The following CCDC102B variants were observed in gnomAD, a reference collection of about 807,000 sequenced individuals.
CCDC102B encodes coiled-coil domain containing 102B.
In CCDC102B, 75 loss-of-function variants were observed where a neutral mutation model predicts 57.4. That is an observed-to-expected ratio of 1.31 (90% confidence interval 1.08 to 1.58). CCDC102B has a LOEUF of 1.58. Among genes scored for constraint, CCDC102B ranks in the 40% most tolerant of loss-of-function variants. CCDC102B has a pLI of 0.00. For synonymous variants in CCDC102B, 206 were observed against 201.9 expected (o/e 1.02, Z -0.17); for missense variants, 636 against 582.6 (o/e 1.09, Z -0.94).
chr18:68,729,752 C>T (rs2032772901), intron 2 of CCDC102B, among the ~76,000 whole-genome samples: 1 of 152,040 alleles, frequency 6.6e-6, no homozygotes, highest in African/African-American at 2.4e-5. Context: ...AGAGGATTTC[C>T]TGAATACAAA....
chr18:69,033,393 A>G (rs1271452787), intron 7 of CCDC102B, among the ~76,000 whole-genome samples: 1 of 152,124 alleles, frequency 6.6e-6, no homozygotes. Flanking sequence ...TAATTTTAAA[A>G]CAGTGTCATC....
intron 7 of CCDC102B, among the ~76,000 whole-genome samples, chr18:69,037,052 CAT>C (rs1358458565): frequency 6.3e-5 from 9 of 143,112 alleles, no homozygotes; most frequent in South Asian, 4.4e-4. Flanking sequence ...CACACACACA[CAT>C]ACATACATAT....
In CCDC102B at chr18:69,054,594, C is replaced by T; in HGVS notation, c.*457C>T. 1 of 985,674 alleles carries T rather than the reference C, an allele frequency of 1.0e-6. No individual in the cohort carries two copies. Among genetic ancestry groups the T allele is most frequent in the South Asian group, 4.7e-5 (1 of 21,368 alleles). The allele number at this position is 985,674 out of a possible 1,614,324, so 61.1% of individuals were successfully genotyped here. ...TGGTGGGGATGGCAGGTTGTATTAA[C>T]AAAAATGAATCATTCTAGAGGTGTA... is the stretch of plus-strand genomic sequence containing the variant. On this transcript the variant is annotated 3_prime_UTR_variant, in exon 8 of 8. Coordinates refer to ENST00000360242, the MANE Select transcript of CCDC102B (RefSeq NM_024781.3).
chr18:68,754,862 G>T (rs1425336452), intron 2 of CCDC102B: 1 of 152,180 alleles, frequency 6.6e-6, no homozygotes, highest in Non-Finnish European at 1.5e-5. Flanking sequence ...GAGATCTCTA[G>T]CTCCTTCCAC....
At chr18:68,906,922 G>GATACTTTT (rs56740752) in intron 6 of CCDC102B, among the ~76,000 whole-genome samples, 86,573 of 149,386 alleles carry the variant, frequency 0.58, 25,622 homozygotes, top group East Asian at 0.88. Flanking sequence ...GTTTATTTCT[G>GATACTTTT]ATACTTTTAT....
At chr18:68,775,563 C>A (rs908145485) in intron 2 of CCDC102B, among the ~76,000 whole-genome samples, 1 of 151,428 alleles carries the variant, frequency 6.6e-6, no homozygotes, top group African/African-American at 2.4e-5. Flanking sequence ...GGCAAGAATA[C>A]TACACAGGAA....
In CCDC102B at chr18:68,778,881, GA is replaced by G. The variant is rs10652625; in HGVS notation, c.-66-44470del. 2.5e-3 allele frequency among the ~76,000 whole-genome samples: 331 copies of G among 133,096 alleles called. 1 individual carries two copies. Among genetic ancestry groups the G allele is most frequent in the African/African-American group, 7.7e-3 (275 of 35,570 alleles). 87.3% of individuals were successfully genotyped at this position (133,096 alleles called of 152,430 possible). A position where few individuals can be genotyped will look rare whatever the true frequency, so the allele number is the denominator to read the frequency against. On this transcript the variant is annotated intron_variant, in intron 2 of 3. Coordinates refer to the CCDC102B transcript ENST00000578970. ...ACAATGATGAAAAGGAAGAAAACCA[GA>G]AAAAAAAAAAAAAACTGTGAAAACC...
intron 6 of CCDC102B, among the ~76,000 whole-genome samples, chr18:68,918,983 G>T (rs2041174775): frequency 6.6e-6 from 1 of 151,960 alleles, no homozygotes; most frequent in African/African-American, 2.4e-5. Context: ...GGAAAGAAGG[G>T]AATATACATT....
intron 6 of CCDC102B, among the ~76,000 whole-genome samples, chr18:68,962,846 C>G (rs2050078219): frequency 6.6e-6 from 1 of 151,980 alleles, no homozygotes; most frequent in Non-Finnish European, 1.5e-5. Flanking sequence ...GTCATATACA[C>G]TGGCCTCAGC....
intron 2 of CCDC102B, among the ~76,000 whole-genome samples, chr18:68,790,794 T>C (rs981879628): frequency 6.6e-6 from 1 of 152,234 alleles, no homozygotes; most frequent in African/African-American, 2.4e-5. Context: ...GTCTTCTGCG[T>C]CGCTCACGCT....
chr18:69,027,486 A>G (rs2052023910), intron 7 of CCDC102B, among the ~76,000 whole-genome samples: 1 of 152,202 alleles, frequency 6.6e-6, no homozygotes, highest in Non-Finnish European at 1.5e-5. Flanking sequence ...GAAATTTTCC[A>G]TATGCAACAG....
In CCDC102B at chr18:68,845,517, A is replaced by G. The variant is rs192767528; in HGVS notation, c.828-796A>G. On this transcript the variant is annotated intron_variant, in intron 3 of 7. Coordinates refer to ENST00000360242, the MANE Select transcript of CCDC102B (RefSeq NM_024781.3). ...CTAGAATTGAGGAATGAGGAAAACA[A>G]CTCTGTCCGTGGAAATGGAGGAATA... Among the ~76,000 whole-genome samples the G allele has an allele frequency of 4.5e-4, 69 of 151,900 alleles. 1 individual carries two copies. Among genetic ancestry groups the G allele is most frequent in the African/African-American group, 1.6e-3 (65 of 41,534 alleles).
chr18:68,998,993 TATATATAGAGAG>T (rs1326066021), intron 6 of CCDC102B, among the ~76,000 whole-genome samples: 4,430 of 53,660 alleles, frequency 0.083, 47 homozygotes, highest in Admixed American at 0.12. Flanking sequence ...TATATATATA[TATATATAGAGAG>T]AGAGAGAGAG....
chr18:68,841,051 G>T (rs1226131784), intron 3 of CCDC102B, among the ~76,000 whole-genome samples: 3 of 152,158 alleles, frequency 2.0e-5, no homozygotes, highest in Non-Finnish European at 4.4e-5. Context: ...CTGTGTCCAT[G>T]AATCAACATT....
rs530203245 is a variant in CCDC102B, at chr18:68,994,816, A to G, written c.1264-16118A>G. ...AGACAGTTCTTTATAGCAGTGTGAA[A>G]ACAGACTGATAGAGTAAATTGCTAC... On this transcript the variant is annotated intron_variant, in intron 6 of 7. Coordinates refer to ENST00000360242, the MANE Select transcript of CCDC102B (RefSeq NM_024781.3). 2.6e-5 allele frequency among the ~76,000 whole-genome samples: 4 copies of G among 152,324 alleles called. No individual in the cohort carries two copies. The East Asian group carries it at 5.8e-4, about 22-fold the overall frequency.
intron 6 of CCDC102B, among the ~76,000 whole-genome samples, chr18:68,996,810 G>C (rs919146032): frequency 1.3e-5 from 2 of 152,206 alleles, no homozygotes; most frequent in African/African-American, 2.4e-5. Context: ...GGAAGCTTGG[G>C]AAGGCATGAT....
At position 68,757,721 on chromosome 18, in the gene CCDC102B, G is replaced by T. The variant is rs28367899; in HGVS notation, c.-67+41127G>T. Among the ~76,000 whole-genome samples, 451 of 152,122 alleles carry T rather than the reference G, an allele frequency of 3.0e-3. 3 individuals carry two copies. The highest frequency in any genetic ancestry group is 0.01 in the African/African-American group (427 of 41,502). ...AATAAGAAAAATTATAGCTCTAGTT[G>T]CCACTTTATTTTTGCTACATAGCTT... On this transcript the variant is annotated intron_variant, in intron 2 of 3. Transcript: ENST00000578970.
At chr18:68,755,991 T>C (rs1005316156) in intron 2 of CCDC102B, among the ~76,000 whole-genome samples, 2 of 151,462 alleles carry the variant, frequency 1.3e-5, no homozygotes, top group African/African-American at 4.8e-5. Context: ...AATAAGAAAA[T>C]GTGATAATTC....
intron 1 of CCDC102B, among the ~76,000 whole-genome samples, chr18:68,716,294 T>G (rs1245534507): frequency 6.6e-6 from 1 of 152,114 alleles, no homozygotes; most frequent in African/African-American, 2.4e-5. Flanking sequence ...ATTCAATTTT[T>G]TTTTTTCATT....
Sources: gnomAD v4.1 joint callset for allele counts (sites outside exome capture counted in the v4.1 genomes callset) on GRCh38, gnomAD v4.1.1 for gene constraint, MANE v1.5 for transcripts, NCBI Gene and HGNC (gene_info 2026-07-23, HGNC 2026-07-21) for gene names.